AGBL1: variants seen among roughly 807,000 people sequenced by gnomAD.
The protein encoded by AGBL1 is AGBL carboxypeptidase 1, also known as cytosolic carboxypeptidase 4.
In AGBL1, 130 loss-of-function variants were observed where a neutral mutation model predicts 118.9. The observed-to-expected ratio is 1.09, with a 90% confidence interval of 0.95 to 1.26. The LOEUF (loss-of-function observed/expected upper bound fraction) is 1.26, where lower values mean the gene tolerates loss of function less well. AGBL1 is among the 50% of genes most tolerant of loss of function. The probability of loss-of-function intolerance (pLI) is 0.00; values close to 1 mark genes in which losing one functional copy is unlikely to be tolerated. For missense variants in AGBL1, 1,584 were observed against 1,298.1 expected (o/e 1.22, Z -3.38); for synonymous variants, 555 against 478.9 (o/e 1.16, Z -2.08).
chr15:86,220,259 C>T (rs1177411031), intron 5 of AGBL1, among the ~76,000 whole-genome samples: 2 of 152,108 alleles, frequency 1.3e-5, no homozygotes, highest in African/African-American at 2.4e-5. Flanking sequence ...GTGAATACTG[C>T]CTCTTGCTAG....
In AGBL1 at chr15:86,554,476, G is replaced by C. The variant is rs2083705590; in HGVS notation, c.2933G>C (p.Gly978Ala). The C allele has an allele frequency of 1.3e-6, 2 of 1,586,436 alleles. No individual in the cohort carries two copies. Among genetic ancestry groups the C allele is most frequent in the East Asian group, 4.6e-5 (2 of 43,636 alleles). ...CGGGTGGTGGTGTGGAGAGAGATGG[G>C]GGTGTCCAGAAGCTACACCATGGAA... ...TARVVVWREM[G>A]VSRSYTMESS... The change falls in exon 21 of 23, where the codon GGG becomes GCG. Residue 978 changes from glycine (G) to alanine (A), a missense_variant. Transcript: ENST00000614907.
intron 18 of AGBL1, among the ~76,000 whole-genome samples, chr15:86,476,469 CA>C (rs1171556787): frequency 6.6e-6 from 1 of 152,042 alleles, no homozygotes; most frequent in Non-Finnish European, 1.5e-5. Context: ...CAACAAAGAT[CA>C]AAAGAGACAA....
At chr15:86,526,460 A>G (rs1310175001) in intron 19 of AGBL1, among the ~76,000 whole-genome samples, 2 of 150,694 alleles carry the variant, frequency 1.3e-5, no homozygotes, top group Non-Finnish European at 3.0e-5. Flanking sequence ...AAGATATGGA[A>G]TCAACCTAAG....
chr15:86,601,113 T>C (rs2084486143), intron 21 of AGBL1, among the ~76,000 whole-genome samples: 1 of 152,102 alleles, frequency 6.6e-6, no homozygotes, highest in Non-Finnish European at 1.5e-5. Context: ...GCCAGACCCT[T>C]ATGGAGGGAA....
intron 7 of AGBL1, among the ~76,000 whole-genome samples, chr15:86,249,305 TATCTGAGTAC>T (rs2078770668): frequency 6.6e-6 from 1 of 152,190 alleles, no homozygotes; most frequent in Admixed American, 6.5e-5. Context: ...AGTTTTTCTC[TATCTGAGTAC>T]ATCTGAGGTA....
intron 18 of AGBL1, among the ~76,000 whole-genome samples, chr15:86,510,562 T>C (rs1406149087): frequency 6.6e-6 from 1 of 152,106 alleles, no homozygotes; most frequent in Non-Finnish European, 1.5e-5. Flanking sequence ...GACTAGAAGT[T>C]CTATTGCAAG....
At chr15:86,493,201 A>G (rs1784471402) in intron 18 of AGBL1, among the ~76,000 whole-genome samples, 2 of 152,054 alleles carry the variant, frequency 1.3e-5, no homozygotes, top group Non-Finnish European at 2.9e-5. Flanking sequence ...TCAGAAACAA[A>G]CAAACAAACA....
At chr15:86,311,764 C>T (rs577416204) in intron 17 of AGBL1, among the ~76,000 whole-genome samples, 2 of 152,136 alleles carry the variant, frequency 1.3e-5, no homozygotes, top group African/African-American at 2.4e-5. Context: ...ACAAGTTATT[C>T]GATATACCAC....
chr15:86,351,721 A>T (rs2080629714), intron 17 of AGBL1, among the ~76,000 whole-genome samples: 1 of 152,182 alleles, frequency 6.6e-6, no homozygotes, highest in African/African-American at 2.4e-5. Flanking sequence ...CAAATATAAA[A>T]TATATTTCTA....
intron 22 of AGBL1, among the ~76,000 whole-genome samples, chr15:86,787,609 A>G (rs1463724372): frequency 6.6e-6 from 1 of 152,090 alleles, no homozygotes; most frequent in Non-Finnish European, 1.5e-5. Context: ...TTAATGCTGG[A>G]TAATGTTCCT....
intron 22 of AGBL1, among the ~76,000 whole-genome samples, chr15:86,882,341 T>C (rs2079905974): frequency 4.6e-5 from 7 of 152,174 alleles, no homozygotes; most frequent in Admixed American, 4.6e-4. Flanking sequence ...AAATGCGATG[T>C]TCAAATCAAA....
At chr15:86,354,424 A>C (rs1440781184) in intron 17 of AGBL1, among the ~76,000 whole-genome samples, 2 of 152,244 alleles carry the variant, frequency 1.3e-5, no homozygotes, top group Non-Finnish European at 2.9e-5. Context: ...AGATTGTAAC[A>C]CAAATCTGTA....
chr15:86,677,378 A>G (rs1232955912), intron 22 of AGBL1, among the ~76,000 whole-genome samples: 1 of 152,258 alleles, frequency 6.6e-6, no homozygotes, highest in East Asian at 1.9e-4. Context: ...TCACGAAAGC[A>G]TCTTTTGATC....
At chr15:86,480,014 C>T (rs1199129384) in intron 18 of AGBL1, among the ~76,000 whole-genome samples, 2 of 151,932 alleles carry the variant, frequency 1.3e-5, no homozygotes, top group Non-Finnish European at 2.9e-5. Context: ...CATGTTCTCA[C>T]TCATAGGTGG....
intron 21 of AGBL1, among the ~76,000 whole-genome samples, chr15:86,640,716 C>G (rs552766437): frequency 1.3e-5 from 2 of 151,816 alleles, no homozygotes; most frequent in Non-Finnish European, 2.9e-5. Context: ...TGTCTACAGC[C>G]CTAGTTACTT....
chr15:86,756,849 C>T (rs1361358950), intron 22 of AGBL1, among the ~76,000 whole-genome samples: 3 of 151,832 alleles, frequency 2.0e-5, no homozygotes, highest in African/African-American at 7.3e-5. Flanking sequence ...TTGGAAGACA[C>T]TTAAGGTTTT....
At chr15:86,564,233 C>A (rs1001243342) in intron 21 of AGBL1, among the ~76,000 whole-genome samples, 2 of 152,104 alleles carry the variant, frequency 1.3e-5, no homozygotes, top group Admixed American at 6.5e-5. Context: ...CATCGATGGT[C>A]TTTACAATTT....
chr15:86,889,179 T>G (rs181752523), intron 22 of AGBL1, among the ~76,000 whole-genome samples: 2 of 152,218 alleles, frequency 1.3e-5, no homozygotes, highest in East Asian at 3.9e-4. Flanking sequence ...TGACATCCAG[T>G]AACCCATTTT....
intron 17 of AGBL1, among the ~76,000 whole-genome samples, chr15:86,364,958 C>CACATAT (rs1474501613): frequency 2.6e-4 from 20 of 76,158 alleles, no homozygotes; most frequent in South Asian, 1.8e-3. Context: ...ATATGTCACA[C>CACATAT]ATATATATAT....
Sources: gnomAD v4.1 joint callset for allele counts (sites outside exome capture counted in the v4.1 genomes callset) on GRCh38, gnomAD v4.1.1 for gene constraint, MANE v1.5 for transcripts, NCBI Gene and HGNC (gene_info 2026-07-23, HGNC 2026-07-21) for gene names.